Variants in PCDH15 observed in about 807,000 individuals in gnomAD.
The protein encoded by PCDH15 is protocadherin-15.
A neutral mutation model predicts 178.5 loss-of-function variants in PCDH15; 129 were observed. That is an observed-to-expected ratio of 0.72 (90% CI 0.63 to 0.84). The LOEUF (loss-of-function observed/expected upper bound fraction) is 0.84, where lower values mean the gene tolerates loss of function less well. Ranked by LOEUF, PCDH15 falls within the 40% of genes least tolerant of loss-of-function variation. The probability of loss-of-function intolerance (pLI) is 0.00; values close to 1 mark genes in which losing one functional copy is unlikely to be tolerated. For missense variants in PCDH15, 2,230 were observed against 2,099.9 expected (o/e 1.06, Z -1.21); for synonymous variants, 800 against 732.0 (o/e 1.09, Z -1.50).
At chr10:53,996,125 G>C (rs2091833668) in intron 20 of PCDH15, among the ~76,000 whole-genome samples, 1 of 152,106 alleles carries the variant, frequency 6.6e-6, no homozygotes, top group African/African-American at 2.4e-5. Flanking sequence ...GCTACATTCT[G>C]TGAAGCAGGC....
chr10:53,892,800 G>A (rs1276276042), intron 26 of PCDH15, among the ~76,000 whole-genome samples: 2 of 152,104 alleles, frequency 1.3e-5, no homozygotes, highest in Non-Finnish European at 2.9e-5. Flanking sequence ...GGGATATATT[G>A]TACAACATGG....
In PCDH15 at chr10:54,350,787, G is replaced by C. The variant is rs1588973133; in HGVS notation, c.475-4303C>G. 2.0e-5 allele frequency among the ~76,000 whole-genome samples: 3 copies of C among 152,214 alleles called. 1 individual carries two copies. The highest frequency in any genetic ancestry group is 2.0e-4 in the Admixed American group (3 of 15,282). ...TGCTGCTTCAAGTCTGAGAGTTTAA[G>C]AGTTTGAGAGTAGAGATAGATAGAT... On this transcript the variant is annotated intron_variant, in intron 5 of 37. Transcript: ENST00000644397.
At chr10:55,623,195 A>G (rs1280324936) in intron 2 of PCDH15, among the ~76,000 whole-genome samples, 3 of 152,134 alleles carry the variant, frequency 2.0e-5, no homozygotes, top group African/African-American at 7.2e-5. Flanking sequence ...GTACCCGAAG[A>G]CTTTGAATAG....
intron 2 of PCDH15, among the ~76,000 whole-genome samples, chr10:55,357,954 G>A (rs2131974838): frequency 6.6e-6 from 1 of 152,154 alleles, no homozygotes; most frequent in South Asian, 2.1e-4. Flanking sequence ...AGCACCTGGT[G>A]CCAAGAAAAT....
intron 2 of PCDH15, among the ~76,000 whole-genome samples, chr10:55,014,166 A>G (rs1201009201): frequency 1.3e-5 from 2 of 152,122 alleles, no homozygotes; most frequent in Non-Finnish European, 2.9e-5. Flanking sequence ...ACTGGATAAT[A>G]CTAACACTCT....
At chr10:55,475,600 A>G (rs1038079205) in intron 2 of PCDH15, among the ~76,000 whole-genome samples, 8 of 152,170 alleles carry the variant, frequency 5.3e-5, no homozygotes, top group African/African-American at 1.9e-4. Flanking sequence ...ACTTTGTTCC[A>G]TAAGCAAATT....
At chr10:55,123,429 C>A (rs1039612279) in intron 2 of PCDH15, among the ~76,000 whole-genome samples, 1 of 151,972 alleles carries the variant, frequency 6.6e-6, no homozygotes, top group Non-Finnish European at 1.5e-5. Context: ...AAATTCAAAT[C>A]TGATTTTATG....
intron 23 of PCDH15, among the ~76,000 whole-genome samples, chr10:53,958,804 C>T (rs566278877): frequency 1.2e-4 from 18 of 151,502 alleles, no homozygotes; most frequent in African/African-American, 4.4e-4. Context: ...GCAGTGAAAC[C>T]CCACCTCTAC....
chr10:55,449,787 G>A (rs1365356986), intron 2 of PCDH15, among the ~76,000 whole-genome samples: 5 of 152,052 alleles, frequency 3.3e-5, no homozygotes, highest in African/African-American at 9.7e-5. Flanking sequence ...GTGAATACGA[G>A]AACCCTTGGG....
chr10:55,337,965 A>C (rs1372844039), intron 2 of PCDH15, among the ~76,000 whole-genome samples: 1 of 152,140 alleles, frequency 6.6e-6, no homozygotes, highest in Non-Finnish European at 1.5e-5. Flanking sequence ...ATTCAATAGG[A>C]AAAAAATAGT....
intron 1 of PCDH15, among the ~76,000 whole-genome samples, chr10:55,224,779 C>T (rs1840980364): frequency 6.6e-6 from 1 of 152,072 alleles, no homozygotes; most frequent in Non-Finnish European, 1.5e-5. Context: ...GATATAACTC[C>T]TGTCCTCCAA....
chr10:53,861,678 C>A (rs2079115844), intron 27 of PCDH15, among the ~76,000 whole-genome samples: 1 of 152,086 alleles, frequency 6.6e-6, no homozygotes, highest in Non-Finnish European at 1.5e-5. Context: ...AGTAAAATAT[C>A]ATTTTAACAT....
At chr10:54,192,814 A>C (rs1425676751) in intron 11 of PCDH15, among the ~76,000 whole-genome samples, 1 of 152,138 alleles carries the variant, frequency 6.6e-6, no homozygotes, top group Non-Finnish European at 1.5e-5. Flanking sequence ...ACACTTTTAT[A>C]AAAGTTATGA....
At chr10:54,249,712 A>G (rs950733805) in intron 8 of PCDH15, among the ~76,000 whole-genome samples, 1 of 151,924 alleles carries the variant, frequency 6.6e-6, no homozygotes, top group Non-Finnish European at 1.5e-5. Flanking sequence ...ACTTTAAACC[A>G]TCTGAAAATT....
chr10:54,700,970 C>T (rs2132232990), intron 1 of PCDH15, among the ~76,000 whole-genome samples: 1 of 152,176 alleles, frequency 6.6e-6, no homozygotes, highest in Admixed American at 6.6e-5. Context: ...AAAGAGGCAG[C>T]AAGTCACCTA....
intron 2 of PCDH15, among the ~76,000 whole-genome samples, chr10:55,387,331 T>C (rs1039769912): frequency 1.3e-5 from 2 of 152,100 alleles, no homozygotes; most frequent in African/African-American, 4.8e-5. Context: ...TTATGCTAAA[T>C]ATGGCCCACT....
intron 1 of PCDH15, among the ~76,000 whole-genome samples, chr10:54,695,067 G>C (rs943002027): frequency 2.6e-5 from 4 of 151,922 alleles, no homozygotes; most frequent in African/African-American, 9.7e-5. Context: ...TGTGGGGTAG[G>C]GGGAGGGGGA....
chr10:54,683,829 A>G (rs969640321), intron 1 of PCDH15, among the ~76,000 whole-genome samples: 4 of 152,110 alleles, frequency 2.6e-5, no homozygotes, highest in Admixed American at 1.3e-4. Flanking sequence ...ACATGCTACA[A>G]TATTTTGGGC....
At chr10:55,060,455 C>T (rs1428961549) in intron 2 of PCDH15, among the ~76,000 whole-genome samples, 1 of 151,918 alleles carries the variant, frequency 6.6e-6, no homozygotes, top group African/African-American at 2.4e-5. Flanking sequence ...AAGGAAAACA[C>T]AAACATGTAG....
Sources: gnomAD v4.1 joint callset for allele counts (sites outside exome capture counted in the v4.1 genomes callset) on GRCh38, gnomAD v4.1.1 for gene constraint, MANE v1.5 for transcripts, NCBI Gene and HGNC (gene_info 2026-07-23, HGNC 2026-07-21) for gene names.